ITGBL1: variants seen among roughly 807,000 people sequenced by gnomAD.
ITGBL1 encodes integrin subunit beta like 1, also known as integrin beta-like protein 1.
In ITGBL1, 51 loss-of-function variants were observed where a neutral mutation model predicts 68.5. The observed-to-expected ratio is 0.74, with a 90% CI of 0.59 to 0.94. The LOEUF is 0.94. Ranked by LOEUF, ITGBL1 falls within the 40% of genes least tolerant of loss-of-function variation. The probability of loss-of-function intolerance (pLI) is 0.00; values close to 1 mark genes in which losing one functional copy is unlikely to be tolerated. For synonymous variants in ITGBL1, 209 were observed against 227.3 expected, an observed-to-expected ratio of 0.92 and a Z score of 0.72; for missense variants, 649 against 647.4, an observed-to-expected ratio of 1.00 and a Z score of -0.03.
intron 8 of ITGBL1, among the ~76,000 whole-genome samples, chr13:101,702,929 T>A (rs2034168190): frequency 6.6e-6 from 1 of 152,192 alleles, no homozygotes; most frequent in Non-Finnish European, 1.5e-5. Flanking sequence ...GGGTGCCAGT[T>A]TTCTAACTTG....
At position 101,583,233 on chromosome 13, in the gene ITGBL1, G is replaced by C. The variant is rs754238647; in HGVS notation, c.745G>C (p.Glu249Gln). Reference protein sequence around the residue: ...CSNRGTCVCGECTCHDVDPTG... With the variant: ...CSNRGTCVCGQCTCHDVDPTG... ...CCACCTAGGGACTTGTGTATGTGGT[G>C]AATGTACCTGTCACGATGTTGATCC... Residue 249 changes from glutamate (E) to glutamine (Q), a missense_variant, in exon 6 of 11, where the codon GAA becomes CAA. Physicochemically the swap from Glu to Gln is conservative, Grantham distance 29. Transcript: ENST00000376180. The C allele has an allele frequency of 1.2e-6, 2 of 1,613,582 alleles. No individual in the cohort carries two copies. Among genetic ancestry groups the C allele is most frequent in the East Asian group, 2.2e-5 (1 of 44,848 alleles).
intron 6 of ITGBL1, among the ~76,000 whole-genome samples, chr13:101,596,462 G>A (rs75377008): frequency 0.049 from 5,626 of 115,794 alleles, 139 homozygotes; most frequent in Non-Finnish European, 0.065. Flanking sequence ...AGTTAACTGT[G>A]TGAGGTGATG....
Position 101,546,830 on chromosome 13 carries a change from TTAAA to T in ITGBL1, c.317-20865_317-20862del, listed in dbSNP as rs150384301. On this transcript the variant is annotated intron_variant, in intron 2 of 10. Coordinates refer to ENST00000376180, the MANE Select transcript of ITGBL1 (RefSeq NM_004791.3). ...ATAGAACATGTTAAACTATCAGGAATTAAATAAGGTGGCTAATAATCACAACTGT... is the reference window on the plus strand; with the variant it reads ...ATAGAACATGTTAAACTATCAGGAATTAAGGTGGCTAATAATCACAACTGT... Among the ~76,000 whole-genome samples the T allele has an allele frequency of 6.1e-3, 927 of 152,130 alleles. 12 individuals are homozygous for T. Among genetic ancestry groups the T allele is most frequent in the African/African-American group, 0.021 (867 of 41,552 alleles).
chr13:101,668,361 C>A (rs1378288351), intron 7 of ITGBL1, among the ~76,000 whole-genome samples: 1 of 152,068 alleles, frequency 6.6e-6, no homozygotes, highest in Admixed American at 6.5e-5. Flanking sequence ...TCACTCTAGC[C>A]TGGGTGAAAG....
At chr13:101,495,679 C>T (rs946164093) in intron 2 of ITGBL1, among the ~76,000 whole-genome samples, 1 of 151,842 alleles carries the variant, frequency 6.6e-6, no homozygotes, top group Non-Finnish European at 1.5e-5. Context: ...AAGGGCCTAC[C>T]TCCTATAAGG....
chr13:101,667,136 A>G (rs2033239012), intron 7 of ITGBL1, among the ~76,000 whole-genome samples: 1 of 152,212 alleles, frequency 6.6e-6, no homozygotes, highest in Non-Finnish European at 1.5e-5. Context: ...TTTATGGTCC[A>G]TTCTCATGAA....
At chr13:101,555,408 C>A (rs940800789) in intron 2 of ITGBL1, among the ~76,000 whole-genome samples, 1 of 151,736 alleles carries the variant, frequency 6.6e-6, no homozygotes, top group Non-Finnish European at 1.5e-5. Flanking sequence ...TTTTTGTACT[C>A]CCTCAACGAG....
At chr13:101,590,740 C>G (rs1442886264) in intron 6 of ITGBL1, among the ~76,000 whole-genome samples, 3 of 152,188 alleles carry the variant, frequency 2.0e-5, no homozygotes, top group African/African-American at 7.2e-5. Flanking sequence ...CCAAGAATTT[C>G]AAAGCCATTG....
chr13:101,462,821 G>A lies in ITGBL1; in HGVS notation c.316+8721G>A, dbSNP rs137886877. ...TGGTCTCTAACTTCTGACCTCAGGT[G>A]ATCCACCTGCCTTGGCCTCCCAAAG... On this transcript the variant is annotated intron_variant, in intron 2 of 10. Coordinates refer to ENST00000376180, the MANE Select transcript of ITGBL1 (RefSeq NM_004791.3). Among the ~76,000 whole-genome samples, 9 of 152,280 alleles carry A rather than the reference G, an allele frequency of 5.9e-5. No individual in the cohort carries two copies. In the East Asian group the frequency reaches 1.7e-3, roughly 29 times the overall value.
chr13:101,704,147 C>T (rs1226215558), intron 8 of ITGBL1, among the ~76,000 whole-genome samples: 1 of 152,166 alleles, frequency 6.6e-6, no homozygotes, highest in East Asian at 1.9e-4. Flanking sequence ...TCCTTGGTGT[C>T]TGGTGTCTGT....
At chr13:101,689,229 A>AAAAAAAAAAC (rs1566791725) in intron 7 of ITGBL1, among the ~76,000 whole-genome samples, 1 of 149,256 alleles carries the variant, frequency 6.7e-6, no homozygotes, top group African/African-American at 2.5e-5. Flanking sequence ...AAAAAAAAAA[A>AAAAAAAAAAC]AAAATTATGA....
In ITGBL1 at chr13:101,560,329, C is replaced by A. The variant is rs527419194; in HGVS notation, c.317-7370C>A. Among the ~76,000 whole-genome samples, 23 of 152,124 alleles carry A rather than the reference C, an allele frequency of 1.5e-4. No individual in the cohort carries two copies. In the South Asian group the frequency reaches 3.9e-3, roughly 26 times the overall value. ...GGTTTTTGGAATTTACATATTTGAA[C>A]AAAGCAAATGAATTTTAGCTGGCAG... is the stretch of plus-strand genomic sequence containing the variant. On this transcript the variant is annotated intron_variant, in intron 2 of 10. Coordinates refer to ENST00000376180, the MANE Select transcript of ITGBL1 (RefSeq NM_004791.3).
intron 2 of ITGBL1, among the ~76,000 whole-genome samples, chr13:101,483,447 A>G (rs1159480319): frequency 6.6e-6 from 1 of 152,242 alleles, no homozygotes; most frequent in Non-Finnish European, 1.5e-5. Flanking sequence ...ACCTCAGGCC[A>G]AAATTTATTT....
At chr13:101,504,068 A>T (rs532893087) in intron 2 of ITGBL1, among the ~76,000 whole-genome samples, 67 of 152,244 alleles carry the variant, frequency 4.4e-4, no homozygotes, top group Non-Finnish European at 8.5e-4. Context: ...GATAAAGGCA[A>T]TTAAAAAATG....
At chr13:101,458,735 A>G (rs2048278505) in intron 2 of ITGBL1, among the ~76,000 whole-genome samples, 1 of 152,198 alleles carries the variant, frequency 6.6e-6, no homozygotes, top group Non-Finnish European at 1.5e-5. Flanking sequence ...ACCTCATGCA[A>G]TGTAAATGCT....
At chr13:101,465,393 A>G (rs540162251) in intron 2 of ITGBL1, among the ~76,000 whole-genome samples, 1 of 152,322 alleles carries the variant, frequency 6.6e-6, no homozygotes, top group East Asian at 1.9e-4. Context: ...TAAAACTATG[A>G]TAAATTTTCT....
At position 101,598,236 on chromosome 13, in the gene ITGBL1, C is replaced by G; in HGVS notation, c.952C>G (p.Leu318Val). 1 of 1,613,840 alleles carries G rather than the reference C, an allele frequency of 6.2e-7. No homozygotes were observed. Among genetic ancestry groups the G allele is most frequent in the East Asian group, 2.2e-5 (1 of 44,788 alleles). ...GTGTGAGCACCCACAGTCCTGCACG[C>G]TGTCAGCTGAGGAGAGCATCAGGAA... is the stretch of plus-strand genomic sequence containing the variant. Reference protein sequence around the residue: ...KKCEHPQSCTLSAEESIRKCQ... With the variant: ...KKCEHPQSCTVSAEESIRKCQ... The change falls in exon 7 of 11, where the codon CTG becomes GTG. Residue 318 changes from leucine to valine, a missense_variant. Physicochemically the swap from Leu to Val is conservative, Grantham distance 32 (BLOSUM62 1). Transcript: ENST00000376180.
At chr13:101,694,408 T>C (rs1189330832) in intron 8 of ITGBL1, among the ~76,000 whole-genome samples, 3 of 150,852 alleles carry the variant, frequency 2.0e-5, no homozygotes, top group African/African-American at 7.4e-5. Context: ...CCATTGTTAC[T>C]TTTCTTTTCT....
At chr13:101,649,764 G>A (rs999441912) in intron 7 of ITGBL1, among the ~76,000 whole-genome samples, 1 of 151,988 alleles carries the variant, frequency 6.6e-6, no homozygotes, top group Non-Finnish European at 1.5e-5. Context: ...AAGGTAATCT[G>A]GCCAAAATTT....
Sources: allele counts gnomAD v4.1 joint callset (sites outside exome capture counted in the v4.1 genomes callset), GRCh38; gene constraint gnomAD v4.1.1; transcripts MANE v1.5; gene names NCBI Gene and HGNC (gene_info 2026-07-23, HGNC 2026-07-21).